DLG2: variants seen among roughly 807,000 people sequenced by gnomAD.
DLG2 encodes discs large MAGUK scaffold protein 2, also known as disks large homolog 2.
A neutral mutation model predicts 132.5 loss-of-function variants in DLG2; 45 were observed. The ratio of observed to expected loss-of-function variants is 0.34; its 90% CI spans 0.27 to 0.44. The LOEUF is 0.44. Ranked by LOEUF, DLG2 falls within the 20% of genes least tolerant of loss-of-function variation. The probability of loss-of-function intolerance (pLI) is 1.00; values close to 1 mark genes in which losing one functional copy is unlikely to be tolerated. For missense variants in DLG2, 1,045 were observed against 1,196.9 expected (o/e 0.87, Z 1.87); for synonymous variants, 424 against 419.6 (o/e 1.01, Z -0.13).
chr11:85,099,029 C>T, intron 6 of DLG2, among the ~76,000 whole-genome samples: 1 of 152,194 alleles, frequency 6.6e-6, no homozygotes, highest in East Asian at 1.9e-4. Flanking sequence ...GACTATGCTG[C>T]CTGCTGCCAA....
chr11:83,868,966 C>G (rs553643183), intron 16 of DLG2, among the ~76,000 whole-genome samples: 49 of 152,172 alleles, frequency 3.2e-4, no homozygotes, highest in African/African-American at 1.1e-3. Flanking sequence ...GTCCAACGGT[C>G]CCTTAAAAGT....
chr11:84,884,465 T>C (rs1394362538), intron 6 of DLG2, among the ~76,000 whole-genome samples: 1 of 152,162 alleles, frequency 6.6e-6, no homozygotes, highest in Non-Finnish European at 1.5e-5. Flanking sequence ...TATAATATTA[T>C]GCAGAAGCAT....
At chr11:84,088,602 T>C (rs1166593753) in intron 10 of DLG2, among the ~76,000 whole-genome samples, 2 of 152,196 alleles carry the variant, frequency 1.3e-5, no homozygotes, top group African/African-American at 2.4e-5. Context: ...TACTAAATTG[T>C]TGGGGACTTG....
chr11:83,946,671 A>G (rs1468532620), intron 14 of DLG2, among the ~76,000 whole-genome samples: 1 of 152,214 alleles, frequency 6.6e-6, no homozygotes, highest in Non-Finnish European at 1.5e-5. Context: ...GTAGAGTGTA[A>G]ATATTAAGTT....
intron 8 of DLG2, among the ~76,000 whole-genome samples, chr11:84,237,042 C>A (rs1386710676): frequency 6.6e-6 from 1 of 151,854 alleles, no homozygotes; most frequent in African/African-American, 2.4e-5. Flanking sequence ...GATTCCCCTG[C>A]CTCAGCCTCC....
chr11:84,360,745 G>T (rs2154420402), intron 7 of DLG2, among the ~76,000 whole-genome samples: 1 of 151,886 alleles, frequency 6.6e-6, no homozygotes, highest in Non-Finnish European at 1.5e-5. Flanking sequence ...TACAAGTGTG[G>T]ATTATGTAAT....
chr11:85,253,995 G>A (rs2076536559), intron 4 of DLG2, among the ~76,000 whole-genome samples: 1 of 152,116 alleles, frequency 6.6e-6, no homozygotes, highest in Non-Finnish European at 1.5e-5. Flanking sequence ...GGTTTTTATG[G>A]GCACAGGATC....
intron 3 of DLG2, among the ~76,000 whole-genome samples, chr11:85,594,255 T>A (rs1346211262): frequency 6.6e-6 from 1 of 152,314 alleles, no homozygotes; most frequent in East Asian, 1.9e-4. Context: ...ATCTGCTGTA[T>A]CACCCCTATT....
chr11:84,662,807 A>AAAC (rs57074119), intron 6 of DLG2, among the ~76,000 whole-genome samples: 1 of 147,120 alleles, frequency 6.8e-6, no homozygotes, highest in African/African-American at 2.6e-5. Flanking sequence ...AAAAAAAAAA[A>AAAC]GGCAGTCACT....
At chr11:84,360,612 G>C (rs1315914291) in intron 7 of DLG2, among the ~76,000 whole-genome samples, 8 of 151,932 alleles carry the variant, frequency 5.3e-5, no homozygotes, top group African/African-American at 1.4e-4. Flanking sequence ...ACAGAGTCTA[G>C]TTTCTCCAAT....
At chr11:84,317,187 A>C in intron 7 of DLG2, 1 of 1,562,592 alleles carries the variant, frequency 6.4e-7, no homozygotes, top group Non-Finnish European at 8.7e-7. Context: ...AGCTCTGCAC[A>C]GAAATGTCTC....
At chr11:83,955,994 T>C (rs973681588) in intron 14 of DLG2, among the ~76,000 whole-genome samples, 1 of 152,106 alleles carries the variant, frequency 6.6e-6, no homozygotes, top group Non-Finnish European at 1.5e-5. Context: ...CTTGTGATCA[T>C]GTGAGTCAGT....
At chr11:84,891,538 G>A (rs1041338731) in intron 6 of DLG2, among the ~76,000 whole-genome samples, 2 of 151,838 alleles carry the variant, frequency 1.3e-5, no homozygotes, top group African/African-American at 2.4e-5. Context: ...TGAATGAAGA[G>A]GGTTTCATCA....
chr11:85,108,775 C>G (rs1359404801), intron 6 of DLG2, among the ~76,000 whole-genome samples: 1 of 151,786 alleles, frequency 6.6e-6, no homozygotes, highest in East Asian at 1.9e-4. Flanking sequence ...TTTCTTTTTC[C>G]TTTTGGTTGC....
intron 3 of DLG2, among the ~76,000 whole-genome samples, chr11:85,464,005 TAC>T (rs1223293490): frequency 4.4e-5 from 1 of 22,552 alleles, no homozygotes. Context: ...CACACACACA[TAC>T]ACACACACAC....
intron 6 of DLG2, among the ~76,000 whole-genome samples, chr11:85,041,064 C>T (rs993523077): frequency 6.6e-6 from 1 of 151,760 alleles, no homozygotes; most frequent in Non-Finnish European, 1.5e-5. Context: ...AACAGGGGTC[C>T]AATTATGCAA....
chr11:84,555,062 A>G (rs1034806507), intron 6 of DLG2, among the ~76,000 whole-genome samples: 12 of 152,180 alleles, frequency 7.9e-5, no homozygotes, highest in African/African-American at 2.7e-4. Flanking sequence ...ATAAGATTAC[A>G]TACGGCCTTG....
chr11:83,960,953 T>A (rs1375865356), intron 14 of DLG2, among the ~76,000 whole-genome samples: 1 of 151,894 alleles, frequency 6.6e-6, no homozygotes, highest in Non-Finnish European at 1.5e-5. Context: ...GAAATACTAG[T>A]GAGACTGTCC....
chr11:84,420,673 T>G (rs1601813803), intron 7 of DLG2, among the ~76,000 whole-genome samples: 1 of 79,898 alleles, frequency 1.3e-5, no homozygotes, highest in Non-Finnish European at 2.3e-5. Flanking sequence ...TTTTTTTTTT[T>G]TTTTTTTTTT....
Sources: allele counts gnomAD v4.1 joint callset (sites outside exome capture counted in the v4.1 genomes callset), GRCh38; gene constraint gnomAD v4.1.1; transcripts MANE v1.5; gene names NCBI Gene and HGNC (gene_info 2026-07-23, HGNC 2026-07-21).